Variants in GLOD4 observed in about 807,000 individuals in gnomAD.
The protein encoded by GLOD4 is glyoxalase domain-containing protein 4.
Under a neutral mutation model 39.1 loss-of-function variants are expected in GLOD4, and 44 were observed. The observed-to-expected ratio is 1.13, with a 90% CI of 0.88 to 1.45. GLOD4 has a LOEUF of 1.45. GLOD4 is among the 40% of genes most tolerant of loss of function. The probability of loss-of-function intolerance (pLI) is 0.00; values close to 1 mark genes in which losing one functional copy is unlikely to be tolerated. For missense variants in GLOD4, 405 were observed against 366.4 expected, an observed-to-expected ratio of 1.11 and a Z score of -0.86; for synonymous variants, 145 against 135.0, an observed-to-expected ratio of 1.07 and a Z score of -0.52.
chr17:782,366 G>C (rs16955542), upstream of GLOD4: 3 of 1,613,438 alleles, frequency 1.9e-6, no homozygotes, highest in Non-Finnish European at 2.5e-6. Context: ...ACGCAGCCCG[G>C]GTCTCAGGGA....
At chr17:784,961 A>T (rs527852860), upstream of GLOD4, among the ~76,000 whole-genome samples, 2 of 152,302 alleles carry the variant, frequency 1.3e-5, no homozygotes, top group South Asian at 4.1e-4. Context: ...AAAGAATCCT[A>T]AATCTTTGAT....
intron 1 of GLOD4, among the ~76,000 whole-genome samples, chr17:779,633 A>C (rs909952759): frequency 6.6e-6 from 1 of 151,614 alleles, no homozygotes; most frequent in East Asian, 1.9e-4. Flanking sequence ...AGCAAAACTC[A>C]AACTCAAAAA....
rs762595996 is a variant in GLOD4, at chr17:768,196, TAGA to T, written c.831+1670_831+1672del. Among the ~76,000 whole-genome samples, 128 of 148,788 alleles carry T rather than the reference TAGA, an allele frequency of 8.6e-4. No homozygotes were observed. The East Asian group carries it at 0.017, about 20-fold the overall frequency. ...GAGAAACGGCGCACACTCAGATTTT[TAGA>T]AGAAGAAATCTGGAGAGGATGTGTG... On this transcript the variant is annotated intron_variant, in intron 8 of 8. Coordinates refer to ENST00000301329, the MANE Select transcript of GLOD4 (RefSeq NM_016080.4).
At chr17:767,308 A>T (rs538131090) in intron 8 of GLOD4, among the ~76,000 whole-genome samples, 39 of 152,370 alleles carry the variant, frequency 2.6e-4, no homozygotes, top group Non-Finnish European at 4.4e-5. Flanking sequence ...AGGATCCAAC[A>T]ACTACTTTGA....
chr17:784,448 C>T (rs1259539487), upstream of GLOD4, among the ~76,000 whole-genome samples: 2 of 151,960 alleles, frequency 1.3e-5, no homozygotes, highest in Non-Finnish European at 2.9e-5. Context: ...TTTTACCGTG[C>T]TTGTCACTTG....
At chr17:768,661 G>T (rs1411753830) in intron 8 of GLOD4, among the ~76,000 whole-genome samples, 1 of 144,868 alleles carries the variant, frequency 6.9e-6, no homozygotes, top group Admixed American at 7.1e-5. Flanking sequence ...ATCTGGAGAG[G>T]ACGTGAGAGG....
Position 759,850 on chromosome 17 carries a change from G to A in GLOD4, c.*323C>T, listed in dbSNP as rs117751350. 0.016 allele frequency: 4,545 copies of A among 282,310 alleles called. 67 individuals are homozygous for A. The highest frequency in any genetic ancestry group is 0.061 in the East Asian group (869 of 14,156). 17.5% of individuals were successfully genotyped at this position (282,310 alleles called of 1,614,324 possible). ...GATTCAGAGGTAACCCTAACTATCC[G>A]CAATCCCAACCAAAGTCATGTTCAT... On this transcript the variant is annotated 3_prime_UTR_variant, in exon 9 of 9. Coordinates refer to ENST00000301329, the MANE Select transcript of GLOD4 (RefSeq NM_016080.4).
chr17:782,594 GAAAC>G (rs1216635152), upstream of GLOD4: 1 of 1,614,090 alleles, frequency 6.2e-7, no homozygotes. Flanking sequence ...AGCAACGAGA[GAAAC>G]AACCGCTCGA....
In GLOD4 at chr17:770,470, T is replaced by C. The variant is rs1907756321; in HGVS notation, c.581A>G (p.Asp194Gly). 2 of 1,595,692 alleles carry C rather than the reference T, an allele frequency of 1.3e-6. No individual in the cohort carries two copies. The highest frequency in any genetic ancestry group is 3.3e-5 in the Admixed American group (2 of 59,982). ...AATTCTTCCAAAAGCTGCTGCATGG[T>C]CCACCCCACCCTTGACGCCCTGTAG... ...LELQGVKGGV[D>G]HAAAFGRIAF... Residue 194 changes from aspartate to glycine, a missense_variant, in exon 6 of 9, where the codon GAC becomes GGC. By Grantham distance (94) the Asp-to-Gly change is moderately conservative (BLOSUM62 -1). Coordinates refer to ENST00000301329, the MANE Select transcript of GLOD4 (RefSeq NM_016080.4).
At chr17:776,585 G>C (rs188803355) in intron 3 of GLOD4, among the ~76,000 whole-genome samples, 22 of 152,112 alleles carry the variant, frequency 1.4e-4, no homozygotes, top group Non-Finnish European at 2.2e-4. Flanking sequence ...TGGCACTGCC[G>C]ACCCCATCTC....
At chr17:764,148 T>G (rs1366655790) in intron 8 of GLOD4, 1 of 152,170 alleles carries the variant, frequency 6.6e-6, no homozygotes, top group Non-Finnish European at 1.5e-5. Flanking sequence ...CTCAATATCA[T>G]TAGTCATCAG....
chr17:778,968 G>A (rs1468482238), intron 1 of GLOD4, among the ~76,000 whole-genome samples: 1 of 152,200 alleles, frequency 6.6e-6, no homozygotes, highest in East Asian at 1.9e-4. Flanking sequence ...AATCTATTTA[G>A]ATTGGTAAGC....
chr17:772,078 AC>A (rs925630396), intron 4 of GLOD4, among the ~76,000 whole-genome samples: 2 of 147,800 alleles, frequency 1.4e-5, no homozygotes, highest in African/African-American at 5.0e-5. Context: ...ATTCCCAGCC[AC>A]TTCAGAGATG....
chr17:772,187 G>GGA (rs1290749627), intron 4 of GLOD4, among the ~76,000 whole-genome samples: 1 of 50,868 alleles, frequency 2.0e-5, no homozygotes, highest in Non-Finnish European at 3.3e-5. Context: ...ACCCTATCTC[G>GGA]AAAAAAAAAA....
upstream of GLOD4, chr17:782,723 C>A (rs1018815944): frequency 3.2e-6 from 5 of 1,564,634 alleles, no homozygotes; most frequent in African/African-American, 5.4e-5. Flanking sequence ...GTCGAATGTT[C>A]TCGTTTCCCT....
intron 1 of GLOD4, 108 bp downstream of exon 1, chr17:782,058 C>T (rs1314488158): frequency 1.7e-5 from 13 of 756,822 alleles, no homozygotes; most frequent in East Asian, 2.7e-5. Flanking sequence ...GGTCGGACAC[C>T]CTCCGGCTTA....
Position 775,916 on chromosome 17 carries a change from T to C in GLOD4, c.265A>G (p.Ile89Val). ...DYKLGNDFMG[I>V]TLASSQAVSN... The stretch of plus-strand genomic sequence containing the variant: ...ACAGCCTGGCTAGAAGCGAGCGTGA[T>C]TCCCTACAACAAACAACAGTACATC... Residue 89 changes from isoleucine to valine, a missense_variant, in exon 4 of 9, where the codon ATC becomes GTC. Transcript: ENST00000301329. 6.2e-7 allele frequency: 1 copy of C among 1,612,910 alleles called. No homozygotes were observed. The highest frequency in any genetic ancestry group is 8.5e-7 in the Non-Finnish European group (1 of 1,178,896).
At chr17:781,593 A>C (rs1183812089) in intron 1 of GLOD4, among the ~76,000 whole-genome samples, 2 of 152,210 alleles carry the variant, frequency 1.3e-5, no homozygotes, top group Non-Finnish European at 2.9e-5. Flanking sequence ...GGCTTATCAA[A>C]GGAGGTCCCC....
At chr17:785,370 TTA>T (rs1485932395), upstream of GLOD4, among the ~76,000 whole-genome samples, 4 of 151,900 alleles carry the variant, frequency 2.6e-5, no homozygotes, top group South Asian at 2.1e-4. Flanking sequence ...CCATAAAACT[TTA>T]GAGATTAATA....
Sources: allele counts gnomAD v4.1 joint callset (sites outside exome capture counted in the v4.1 genomes callset), GRCh38; gene constraint gnomAD v4.1.1; transcripts MANE v1.5; gene names NCBI Gene and HGNC (gene_info 2026-07-23, HGNC 2026-07-21).